The following TAAR5 variants were observed in gnomAD, a reference collection of about 807,000 sequenced individuals.
TAAR5 encodes the protein trace amine-associated receptor 5.
In TAAR5, 27 loss-of-function variants were observed where a neutral mutation model predicts 21.1. The observed-to-expected ratio is 1.28, with a 90% confidence interval of 0.94 to 1.76. The LOEUF is 1.76. Among genes scored for constraint, TAAR5 ranks in the 40% most tolerant of loss-of-function variants. The pLI is 0.00. For synonymous variants in TAAR5, 203 were observed against 167.5 expected (o/e 1.21, Z -1.64); for missense variants, 495 against 405.6 (o/e 1.22, Z -1.89).
the TAAR5 span, among the ~76,000 whole-genome samples, chr6:132,610,195 T>C: frequency 6.6e-6 from 1 of 152,200 alleles, no homozygotes; most frequent in African/African-American, 2.4e-5. Flanking sequence ...ATGGTCACGC[T>C]TGCTTTGCTA....
chr6:132,608,441 G>A, the TAAR5 span: 1 of 455,688 alleles, frequency 2.2e-6, no homozygotes, highest in African/African-American at 2.0e-5. Context: ...TCTAGGTATG[G>A]GTCAATCAGA....
chr6:132,596,418 G>C, the TAAR5 span, among the ~76,000 whole-genome samples: 1 of 152,114 alleles, frequency 6.6e-6, no homozygotes. Flanking sequence ...ATGGACTTTG[G>C]CCTGAGAATA....
the TAAR5 span, among the ~76,000 whole-genome samples, chr6:132,613,242 G>A: frequency 2.0e-5 from 3 of 152,128 alleles, no homozygotes; most frequent in Non-Finnish European, 2.9e-5. Context: ...AACTAACAAT[G>A]TTCTTTTGGA....
Position 132,588,731 on chromosome 6 carries a change from G to C in TAAR5, c.956C>G (p.Thr319Arg). ...CGGTGAGAAGACCTTCTGGCTCAGT[G>C]TGAGTTTCAGTGCCTTCCGAAACCA... ...YQWFRKALKLTLSQKVFSPQT... is the reference protein window; with the variant it reads ...YQWFRKALKLRLSQKVFSPQT... The change falls in exon 1 of 1, where the codon ACA becomes AGA. Residue 319 changes from threonine (T) to arginine (R), a missense_variant. By Grantham distance (71) the Thr-to-Arg change is moderately conservative. Coordinates refer to ENST00000258034, the MANE Select transcript of TAAR5 (RefSeq NM_003967.3). 10 of 1,614,062 alleles carry C rather than the reference G, an allele frequency of 6.2e-6. No homozygotes were observed. The highest frequency in any genetic ancestry group is 8.5e-6 in the Non-Finnish European group (10 of 1,179,990).
chr6:132,596,933 C>T, the TAAR5 span, among the ~76,000 whole-genome samples: 2 of 152,060 alleles, frequency 1.3e-5, no homozygotes, highest in Non-Finnish European at 2.9e-5. Context: ...AATTTAAAAA[C>T]CTTTCCTCAA....
chr6:132,593,961 C>G (rs1391414658), upstream of TAAR5, among the ~76,000 whole-genome samples: 1 of 152,176 alleles, frequency 6.6e-6, no homozygotes, highest in Non-Finnish European at 1.5e-5. Flanking sequence ...TGCCCAGGCT[C>G]TCTCCCACTT....
At chr6:132,603,572 AT>A in the TAAR5 span, among the ~76,000 whole-genome samples, 1 of 151,838 alleles carries the variant, frequency 6.6e-6, no homozygotes, top group Admixed American at 6.6e-5. Flanking sequence ...TATATTTGTC[AT>A]TTATAATATT....
At position 132,589,390 on chromosome 6, in the gene TAAR5, G is replaced by A. The variant is rs1276044830; in HGVS notation, c.297C>T (p.Cys99=). ...GGCAGAGGAAGTCCCCGAAGAACCA[G>A]CAGCTCTCCACTGAGCGAATGGTGC... ...PLSTIRSVES[C]WFFGDFLCRL... The change falls in exon 1 of 1, where the codon TGC becomes TGT. Residue 99 remains cysteine, a synonymous_variant. Transcript: ENST00000258034. 6.2e-7 allele frequency: 1 copy of A among 1,614,094 alleles called. No homozygotes were observed. Among genetic ancestry groups the A allele is most frequent in the East Asian group, 2.2e-5 (1 of 44,868 alleles).
At chr6:132,602,634 C>T in the TAAR5 span, among the ~76,000 whole-genome samples, 55,674 of 151,812 alleles carry the variant, frequency 0.37, 10,546 homozygotes, top group African/African-American at 0.41. Context: ...GACTATTACC[C>T]ATCTGTGGTC....
the TAAR5 span, among the ~76,000 whole-genome samples, chr6:132,600,297 C>A: frequency 6.6e-6 from 1 of 152,134 alleles, no homozygotes; most frequent in African/African-American, 2.4e-5. Flanking sequence ...AAAACATTTA[C>A]ATGCCTTCTT....
At chr6:132,612,931 C>T in the TAAR5 span, among the ~76,000 whole-genome samples, 55 of 152,310 alleles carry the variant, frequency 3.6e-4, no homozygotes, top group African/African-American at 1.3e-3. Flanking sequence ...TTATTGATCA[C>T]AGTCACGACA....
At chr6:132,607,403 T>G in the TAAR5 span, among the ~76,000 whole-genome samples, 2 of 152,012 alleles carry the variant, frequency 1.3e-5, no homozygotes, top group African/African-American at 4.8e-5. Flanking sequence ...GAAAAATCAC[T>G]GAAAAAATGT....
At chr6:132,596,716 G>A in the TAAR5 span, among the ~76,000 whole-genome samples, 3 of 151,932 alleles carry the variant, frequency 2.0e-5, no homozygotes, top group African/African-American at 4.8e-5. Context: ...GAAACACCAA[G>A]CCATAGGGAA....
chr6:132,608,655 G>A, the TAAR5 span: 7 of 455,812 alleles, frequency 1.5e-5, no homozygotes, highest in Non-Finnish European at 3.1e-5. Context: ...TGGAGCCAGG[G>A]GTAAAGAAAC....
At chr6:132,591,778 C>T (rs1013113430), upstream of TAAR5, among the ~76,000 whole-genome samples, 6 of 152,198 alleles carry the variant, frequency 3.9e-5, no homozygotes, top group African/African-American at 1.4e-4. Context: ...TAGATTACAT[C>T]AGACCTACTA....
At chr6:132,597,282 G>C in the TAAR5 span, among the ~76,000 whole-genome samples, 1 of 151,900 alleles carries the variant, frequency 6.6e-6, no homozygotes, top group African/African-American at 2.4e-5. Flanking sequence ...TTTAAGACAA[G>C]AAGATAGAGT....
chr6:132,616,328 T>C, the TAAR5 span, among the ~76,000 whole-genome samples: 2 of 152,170 alleles, frequency 1.3e-5, no homozygotes, highest in African/African-American at 4.8e-5. Flanking sequence ...AATACATGTA[T>C]AAATATCAAG....
the TAAR5 span, chr6:132,594,772 T>C: frequency 6.6e-6 from 1 of 151,992 alleles, no homozygotes; most frequent in Non-Finnish European, 1.5e-5. Context: ...ACTGTAAAAA[T>C]ATGTATGTAA....
the TAAR5 span, among the ~76,000 whole-genome samples, chr6:132,605,308 G>A: frequency 1.3e-5 from 2 of 152,216 alleles, no homozygotes; most frequent in African/African-American, 4.8e-5. Context: ...GGAAGGGAAG[G>A]CATGTTACAG....
Sources: gnomAD v4.1 joint callset for allele counts (sites outside exome capture counted in the v4.1 genomes callset) on GRCh38, gnomAD v4.1.1 for gene constraint, MANE v1.5 for transcripts, NCBI Gene and HGNC (gene_info 2026-07-23, HGNC 2026-07-21) for gene names.